Variants in CNTN5 observed in about 807,000 individuals in gnomAD.
CNTN5 encodes contactin 5, also known as contactin-5.
In CNTN5, 77 loss-of-function variants were observed where a neutral mutation model predicts 129.1. The ratio of observed to expected loss-of-function variants is 0.60; its 90% confidence interval spans 0.50 to 0.72. CNTN5 has a LOEUF of 0.72. CNTN5 is among the 30% of genes least tolerant of loss of function. CNTN5 has a pLI of 0.00. For synonymous variants in CNTN5, 509 were observed against 465.6 expected (o/e 1.09, Z -1.20); for missense variants, 1,478 against 1,328.8 (o/e 1.11, Z -1.75).
chr11:99,103,592 G>T (rs910869697), intron 1 of CNTN5, among the ~76,000 whole-genome samples: 3 of 152,124 alleles, frequency 2.0e-5, no homozygotes, highest in Non-Finnish European at 4.4e-5. Context: ...TCCCAGTGTA[G>T]TGAGTTGAAT....
At chr11:99,675,410 C>T (rs1189993897) in intron 3 of CNTN5, among the ~76,000 whole-genome samples, 1 of 152,058 alleles carries the variant, frequency 6.6e-6, no homozygotes, top group East Asian at 1.9e-4. Context: ...AGGCTGGGTG[C>T]GGTGGCTCAC....
At chr11:99,389,666 A>G (rs1236253543) in intron 2 of CNTN5, among the ~76,000 whole-genome samples, 1 of 152,190 alleles carries the variant, frequency 6.6e-6, no homozygotes, top group Non-Finnish European at 1.5e-5. Flanking sequence ...AATCAGGTGG[A>G]ATAACATTTG....
intron 21 of CNTN5, among the ~76,000 whole-genome samples, chr11:100,319,944 T>C (rs1951653300): frequency 6.6e-6 from 1 of 152,242 alleles, no homozygotes; most frequent in Non-Finnish European, 1.5e-5. Flanking sequence ...ACACATTTTC[T>C]TTATCTGTTC....
rs116435382 is a variant in CNTN5, at chr11:100,004,557, C to G, written c.980+2421C>G. 4.6e-3 allele frequency among the ~76,000 whole-genome samples: 698 copies of G among 152,262 alleles called. 4 individuals are homozygous for G. The highest frequency in any genetic ancestry group is 0.015 in the African/African-American group (641 of 41,536). On this transcript the variant is annotated intron_variant, in intron 9 of 24. Coordinates refer to ENST00000524871, the MANE Select transcript of CNTN5 (RefSeq NM_014361.4). ...GTGTTTCTCCACTTAAAACATTTAT[C>G]TGTGTCAGGATCCCAGATGTAATCA...
rs558043760 is a variant in CNTN5, at chr11:99,530,523, C to T, written c.-70-25622C>T. Among the ~76,000 whole-genome samples the T allele has an allele frequency of 3.3e-5, 5 of 152,302 alleles. No individual in the cohort carries two copies. In the South Asian group the frequency reaches 8.3e-4, roughly 25 times the overall value. On this transcript the variant is annotated intron_variant, in intron 2 of 24. Coordinates refer to ENST00000524871, the MANE Select transcript of CNTN5 (RefSeq NM_014361.4). ...TTCCACAGCCCTGAACCTCATGGATCTTACACTCTGGTGGGAAGTGAGCAT... is the reference window on the plus strand; with the variant it reads ...TTCCACAGCCCTGAACCTCATGGATTTTACACTCTGGTGGGAAGTGAGCAT...
intron 3 of CNTN5, among the ~76,000 whole-genome samples, chr11:99,612,461 AC>A (rs1950619530): frequency 6.6e-6 from 1 of 152,196 alleles, no homozygotes; most frequent in Non-Finnish European, 1.5e-5. Context: ...AAATTACACC[AC>A]CTGTACTATG....
At chr11:100,100,208 G>T (rs1945172150) in intron 13 of CNTN5, among the ~76,000 whole-genome samples, 1 of 152,108 alleles carries the variant, frequency 6.6e-6, no homozygotes, top group South Asian at 2.1e-4. Context: ...GGGATCTGAA[G>T]TGCTTTTGTT....
chr11:99,445,426 T>C (rs2135166725), intron 2 of CNTN5, among the ~76,000 whole-genome samples: 2 of 152,324 alleles, frequency 1.3e-5, no homozygotes, highest in South Asian at 2.1e-4. Context: ...CCTTCATTTC[T>C]CAATGAATAA....
intron 6 of CNTN5, among the ~76,000 whole-genome samples, chr11:99,893,665 A>G (rs11823377): frequency 0.091 from 13,865 of 152,050 alleles, 1,371 homozygotes; most frequent in African/African-American, 0.25. Context: ...TTTGATTTCT[A>G]TTTAGGTTGA....
At chr11:100,213,299 T>C (rs1002983758) in intron 15 of CNTN5, among the ~76,000 whole-genome samples, 1 of 152,170 alleles carries the variant, frequency 6.6e-6, no homozygotes, top group Non-Finnish European at 1.5e-5. Flanking sequence ...GTCTTTTAAA[T>C]ATAATTCTAA....
At chr11:99,368,585 T>G (rs955348406) in intron 2 of CNTN5, among the ~76,000 whole-genome samples, 1 of 152,148 alleles carries the variant, frequency 6.6e-6, no homozygotes, top group Non-Finnish European at 1.5e-5. Context: ...ATTAAATAAG[T>G]TAATAATCAG....
At chr11:99,139,160 A>G (rs977823967) in intron 1 of CNTN5, among the ~76,000 whole-genome samples, 1 of 144,416 alleles carries the variant, frequency 6.9e-6, no homozygotes, top group Non-Finnish European at 1.5e-5. Context: ...CCAGCTACTC[A>G]GGAGGCTGAG....
chr11:100,124,729 G>C (rs959590290), intron 13 of CNTN5, among the ~76,000 whole-genome samples: 3 of 151,988 alleles, frequency 2.0e-5, no homozygotes, highest in Non-Finnish European at 4.4e-5. Flanking sequence ...ATTTCTGAAA[G>C]GGAACAAAAG....
chr11:100,252,045 G>A (rs900240804), intron 16 of CNTN5, among the ~76,000 whole-genome samples: 2 of 152,234 alleles, frequency 1.3e-5, no homozygotes, highest in East Asian at 3.9e-4. Context: ...TAGTGTGTAA[G>A]ACTTCCTTTT....
At position 99,952,626 on chromosome 11, in the gene CNTN5, G is replaced by C. The variant is rs914092663; in HGVS notation, c.674-4180G>C. Among the ~76,000 whole-genome samples, 3 of 152,058 alleles carry C rather than the reference G, an allele frequency of 2.0e-5. No individual in the cohort carries two copies. The South Asian group carries it at 6.2e-4, about 32-fold the overall frequency. ...AGCTTATGGCAACTTTGAACTCCTG[G>C]CCTCAAGCTACCCTCTCACCTCAGC... On this transcript the variant is annotated intron_variant, in intron 7 of 24. Transcript: ENST00000524871.
At chr11:99,167,062 C>T (rs1053218561) in intron 1 of CNTN5, among the ~76,000 whole-genome samples, 2 of 152,070 alleles carry the variant, frequency 1.3e-5, no homozygotes, top group African/African-American at 4.8e-5. Flanking sequence ...AAGTATGTGA[C>T]AGGAATATGG....
At chr11:99,044,563 G>C (rs1198756690) in intron 1 of CNTN5, among the ~76,000 whole-genome samples, 1 of 152,132 alleles carries the variant, frequency 6.6e-6, no homozygotes, top group Non-Finnish European at 1.5e-5. Flanking sequence ...GATGGACCAA[G>C]TAAAGAGGCC....
intron 3 of CNTN5, among the ~76,000 whole-genome samples, chr11:99,733,321 CAAAAA>C (rs35576351): frequency 1.0e-5 from 1 of 96,190 alleles, no homozygotes; most frequent in African/African-American, 3.5e-5. Context: ...GATTCTGTCT[CAAAAA>C]AAAAAAAAAA....
Position 99,338,002 on chromosome 11 carries a change from CTTTAG to C in CNTN5, c.-71+12523_-71+12527del, listed in dbSNP as rs527872182. ...AGAGTATTATATGCCATATTACATG[CTTTAG>C]TTTAAATTCATAAACTTATTTGTAA... is the stretch of plus-strand genomic sequence containing the variant. On this transcript the variant is annotated intron_variant, in intron 2 of 24. Coordinates refer to ENST00000524871, the MANE Select transcript of CNTN5 (RefSeq NM_014361.4). Among the ~76,000 whole-genome samples the C allele has an allele frequency of 2.8e-4, 42 of 152,202 alleles. 1 individual carries two copies. In the South Asian group the frequency reaches 8.7e-3, roughly 32 times the overall value.
Sources: gnomAD v4.1 joint callset for allele counts (sites outside exome capture counted in the v4.1 genomes callset) on GRCh38, gnomAD v4.1.1 for gene constraint, MANE v1.5 for transcripts, NCBI Gene and HGNC (gene_info 2026-07-23, HGNC 2026-07-21) for gene names.